DAAM1: variants seen among roughly 807,000 people sequenced by gnomAD.
DAAM1 encodes dishevelled associated activator of morphogenesis 1, also known as disheveled-associated activator of morphogenesis 1.
In DAAM1, 52 loss-of-function variants were observed where a neutral mutation model predicts 130.0. The ratio of observed to expected loss-of-function variants is 0.40; its 90% CI spans 0.32 to 0.50. The LOEUF (loss-of-function observed/expected upper bound fraction) is 0.50, where lower values mean the gene tolerates loss of function less well. DAAM1 is among the 20% of genes least tolerant of loss of function. DAAM1 has a pLI of 0.61. For missense variants in DAAM1, 1,134 were observed against 1,303.8 expected, an observed-to-expected ratio of 0.87 and a Z score of 2.01; for synonymous variants, 452 against 444.5, an observed-to-expected ratio of 1.02 and a Z score of -0.21.
chr14:59,367,485 G>C lies in DAAM1; in HGVS notation c.2883G>C (p.Glu961Asp), dbSNP rs1382016672. 5 of 1,613,864 alleles carry C rather than the reference G, an allele frequency of 3.1e-6. No homozygotes were observed. Among genetic ancestry groups the C allele is most frequent in the Non-Finnish European group, 3.4e-6 (4 of 1,179,858 alleles). Residue 961 changes from glutamate (E) to aspartate (D), a missense_variant, in exon 24 of 25, where the codon GAG becomes GAC. By Grantham distance (45) the Glu-to-Asp change is conservative. Around this residue, in one of 3 missense-constraint regions of DAAM1, gnomAD observed 644 missense variants for 695.9 expected, o/e 0.93. Coordinates refer to ENST00000360909, the MANE Select transcript of DAAM1 (RefSeq NM_001270520.2). ...GEEAGKIQPD[E>D]FFGIFDQFLQ... is the part of the protein sequence containing the mutation. ...AGGCTGGCAAAATACAACCAGATGA[G>C]TTCTTTGGCATTTTTGATCAATTTC... is the stretch of plus-strand genomic sequence containing the variant.
intron 2 of DAAM1, among the ~76,000 whole-genome samples, chr14:59,279,874 A>G (rs1448953264): frequency 1.3e-5 from 2 of 152,244 alleles, no homozygotes; most frequent in African/African-American, 4.8e-5. Context: ...ATAAAGAATT[A>G]CTTTAAATCA....
intron 3 of DAAM1, among the ~76,000 whole-genome samples, chr14:59,298,123 T>C (rs1411685207): frequency 1.3e-5 from 2 of 152,190 alleles, no homozygotes; most frequent in Admixed American, 6.5e-5. Context: ...ATTCATGCAA[T>C]GTATTTTATA....
intron 18 of DAAM1, 74 bp from the exon 19 acceptor site, chr14:59,353,802 C>A: frequency 7.0e-7 from 1 of 1,427,734 alleles, no homozygotes; most frequent in Non-Finnish European, 9.7e-7. Context: ...TAGGTACCTC[C>A]ACCTCCATAT....
intron 2 of DAAM1, among the ~76,000 whole-genome samples, chr14:59,284,161 T>C (rs1245553564): frequency 6.6e-6 from 1 of 152,096 alleles, no homozygotes; most frequent in Non-Finnish European, 1.5e-5. Context: ...TCAGCAGAAT[T>C]GGAAAGACAA....
chr14:59,234,909 T>TG (rs2139451040), intron 1 of DAAM1, among the ~76,000 whole-genome samples: 1 of 152,290 alleles, frequency 6.6e-6, no homozygotes, highest in East Asian at 1.9e-4. Context: ...ATCATGTGGT[T>TG]TTTTTCCTTG....
At chr14:59,334,475 A>G (rs1223836660) in intron 15 of DAAM1, among the ~76,000 whole-genome samples, 1 of 152,164 alleles carries the variant, frequency 6.6e-6, no homozygotes, top group African/African-American at 2.4e-5. Flanking sequence ...CACCCTGTTC[A>G]AACTCTCTGG....
intron 3 of DAAM1, among the ~76,000 whole-genome samples, chr14:59,309,787 T>C (rs746130057): frequency 2.0e-5 from 3 of 152,244 alleles, no homozygotes; most frequent in Non-Finnish European, 2.9e-5. Flanking sequence ...TACACCGTTA[T>C]GAGCCAGAGG....
intron 3 of DAAM1, among the ~76,000 whole-genome samples, chr14:59,314,879 A>G (rs1884725058): frequency 1.3e-5 from 2 of 152,246 alleles, no homozygotes; most frequent in South Asian, 4.1e-4. Context: ...AGTTTGGTTA[A>G]TAACTGGCTG....
At chr14:59,364,764 G>A (rs1179153246) in intron 23 of DAAM1, among the ~76,000 whole-genome samples, 1 of 152,144 alleles carries the variant, frequency 6.6e-6, no homozygotes, top group Non-Finnish European at 1.5e-5. Flanking sequence ...CTGTTCACAT[G>A]CATTAGCTAA....
chr14:59,363,514 C>T, intron 22 of DAAM1, 137 bp from the exon 23 acceptor site: 2 of 1,304,230 alleles, frequency 1.5e-6, no homozygotes, highest in Non-Finnish European at 2.1e-6. Flanking sequence ...TAGAGTATAA[C>T]AAAATGTTTT....
intron 2 of DAAM1, among the ~76,000 whole-genome samples, chr14:59,286,680 T>G (rs1883471745): frequency 6.6e-6 from 1 of 151,980 alleles, no homozygotes. Flanking sequence ...ACAAGGTGTT[T>G]AAGAAATGGA....
chr14:59,362,381 G>T (rs1249457932), intron 22 of DAAM1: 1 of 152,106 alleles, frequency 6.6e-6, no homozygotes, highest in Non-Finnish European at 1.5e-5. Context: ...ATATATATGT[G>T]TTCTAATTGT....
intron 16 of DAAM1, among the ~76,000 whole-genome samples, chr14:59,342,710 GAGA>G (rs1284801227): frequency 6.6e-6 from 1 of 152,166 alleles, no homozygotes; most frequent in Admixed American, 6.5e-5. Flanking sequence ...TGACACCTGT[GAGA>G]AGATTTGTGC....
chr14:59,339,433 G>A (rs1303758183), intron 15 of DAAM1, among the ~76,000 whole-genome samples: 2 of 152,048 alleles, frequency 1.3e-5, no homozygotes, highest in Non-Finnish European at 2.9e-5. Context: ...ATTATAACTG[G>A]CCATCATAGC....
intron 1 of DAAM1, among the ~76,000 whole-genome samples, chr14:59,231,567 T>A (rs1889107339): frequency 6.6e-6 from 1 of 152,204 alleles, no homozygotes; most frequent in Non-Finnish European, 1.5e-5. Context: ...ACGTTGGCTC[T>A]AGAGTCAGAC....
intron 1 of DAAM1, among the ~76,000 whole-genome samples, chr14:59,223,810 C>T (rs1888852632): frequency 6.6e-6 from 1 of 152,128 alleles, no homozygotes; most frequent in African/African-American, 2.4e-5. Context: ...TTAACATGCC[C>T]CACACCTCTG....
intron 1 of DAAM1, among the ~76,000 whole-genome samples, chr14:59,201,555 G>A (rs1594754298): frequency 6.6e-6 from 1 of 152,074 alleles, no homozygotes; most frequent in Admixed American, 6.6e-5. Context: ...GGTGGAGGTT[G>A]CAGTGAACCA....
chr14:59,276,255 A>C (rs1882964098), intron 2 of DAAM1, among the ~76,000 whole-genome samples: 1 of 152,232 alleles, frequency 6.6e-6, no homozygotes, highest in Non-Finnish European at 1.5e-5. Flanking sequence ...ATCATAGCTT[A>C]ATAGTACATT....
chr14:59,315,231 C>A, intron 3 of DAAM1, 49 bp from the exon 4 acceptor site: 1 of 1,541,124 alleles, frequency 6.5e-7, no homozygotes, highest in Non-Finnish European at 9.0e-7. Flanking sequence ...TTTCTAGGTG[C>A]TGTGTGTATA....
Sources: allele counts gnomAD v4.1 joint callset (sites outside exome capture counted in the v4.1 genomes callset), GRCh38; gene constraint gnomAD v4.1.1; regional missense constraint gnomAD v4.1.1; transcripts MANE v1.5; gene names NCBI Gene and HGNC (gene_info 2026-07-23, HGNC 2026-07-21).